The following TBC1D1 variants were observed in gnomAD, a reference collection of about 807,000 sequenced individuals.
TBC1D1 encodes TBC1 domain family member 1, also known as TBC1 (tre-2/USP6, BUB2, cdc16) domain family, member 1.
In TBC1D1, 89 loss-of-function variants were observed where a neutral mutation model predicts 125.6. That is an observed-to-expected ratio of 0.71 (90% CI 0.60 to 0.85). The LOEUF (loss-of-function observed/expected upper bound fraction) is 0.85. TBC1D1 is among the 40% of genes least tolerant of loss of function. The pLI is 0.00. For synonymous variants in TBC1D1, 565 were observed against 564.1 expected, an observed-to-expected ratio of 1.00 and a Z score of -0.02; for missense variants, 1,377 against 1,469.2, an observed-to-expected ratio of 0.94 and a Z score of 1.03.
In TBC1D1 at chr4:37,995,819, C is replaced by A; in HGVS notation, c.418-18690C>A. Reference sequence around the variant, plus strand: ...ACCCCAAATCATTTGCATCCTCAGTCTTGGGGATCAGGTGCTGGATCCATG... The same window carrying A: ...ACCCCAAATCATTTGCATCCTCAGTATTGGGGATCAGGTGCTGGATCCATG... On this transcript the variant is annotated intron_variant, in intron 2 of 19. Coordinates refer to ENST00000261439, the MANE Select transcript of TBC1D1 (RefSeq NM_015173.4). The surrounding 1 kb of genome is among the most constrained non-coding windows in gnomAD (Gnocchi z 4.3). The A allele has an allele frequency of 1.8e-6, 1 of 555,508 alleles. No individual in the cohort carries two copies. Among genetic ancestry groups the A allele is most frequent in the Non-Finnish European group, 3.6e-6 (1 of 278,450 alleles). The allele number at this position is 555,508 out of a possible 1,614,324, so 34.4% of individuals were successfully genotyped here. A position where few individuals can be genotyped will look rare whatever the true frequency, so the allele number is the denominator to read the frequency against.
intron 12 of TBC1D1, among the ~76,000 whole-genome samples, chr4:38,075,436 G>C (rs114911477): frequency 0.013 from 2,013 of 152,284 alleles, 45 homozygotes; most frequent in African/African-American, 0.045. Flanking sequence ...TCAAAGGAAA[G>C]CAGTGAGGCT....
intron 18 of TBC1D1, among the ~76,000 whole-genome samples, chr4:38,132,168 T>G (rs1765690051): frequency 6.6e-6 from 1 of 151,908 alleles, no homozygotes; most frequent in African/African-American, 2.4e-5. Context: ...TCTGAATGTG[T>G]GTTCTGATCT....
intron 6 of TBC1D1, among the ~76,000 whole-genome samples, chr4:38,022,020 G>A (rs536602433): frequency 1.3e-5 from 2 of 152,200 alleles, no homozygotes; most frequent in Non-Finnish European, 2.9e-5. Context: ...GTTTATCAAG[G>A]TTGTGTGAGT....
At chr4:38,058,465 T>C (rs1446105692) in intron 12 of TBC1D1, among the ~76,000 whole-genome samples, 1 of 152,220 alleles carries the variant, frequency 6.6e-6, no homozygotes, top group Non-Finnish European at 1.5e-5. Flanking sequence ...GGCTGAGCCA[T>C]GGGCAGCTGA....
At chr4:37,968,597 C>T (rs1477596490) in intron 2 of TBC1D1, among the ~76,000 whole-genome samples, 1 of 152,206 alleles carries the variant, frequency 6.6e-6, no homozygotes, top group African/African-American at 2.4e-5. Context: ...AAGTCCTCAC[C>T]TAATTTGTTC....
At chr4:38,074,346 A>C (rs1293958854) in intron 12 of TBC1D1, among the ~76,000 whole-genome samples, 1 of 152,210 alleles carries the variant, frequency 6.6e-6, no homozygotes, top group Non-Finnish European at 1.5e-5. Context: ...TCCCAACACA[A>C]GGTTAAACAA....
intron 6 of TBC1D1, among the ~76,000 whole-genome samples, chr4:38,026,790 C>T (rs1488452566): frequency 6.6e-6 from 1 of 152,156 alleles, no homozygotes; most frequent in Non-Finnish European, 1.5e-5. Flanking sequence ...ATATCGGGTT[C>T]TAATGGGTAC....
chr4:37,898,999 T>C (rs1715241709), intron 1 of TBC1D1, among the ~76,000 whole-genome samples: 1 of 152,194 alleles, frequency 6.6e-6, no homozygotes, highest in African/African-American at 2.4e-5. Context: ...AGACCTTATA[T>C]GCCAGGTAGA....
Position 38,118,206 on chromosome 4 carries a change from A to T in TBC1D1, c.2962+14A>T. 6.2e-7 allele frequency: 1 copy of T among 1,613,534 alleles called. No homozygotes were observed. Among genetic ancestry groups the T allele is most frequent in the Non-Finnish European group, 8.5e-7 (1 of 1,179,740 alleles). On this transcript the variant is annotated intron_variant, in intron 17 of 19. Coordinates refer to ENST00000261439, the MANE Select transcript of TBC1D1 (RefSeq NM_015173.4). ...CCAGAGTCTTTGGTGAGCATTAGTA[A>T]ATCTGTTTGCCAGAACCAGCCTTCT...
At chr4:38,027,638 A>G in intron 6 of TBC1D1, 150 bp from the exon 7 acceptor site, 2 of 485,196 alleles carry the variant, frequency 4.1e-6, no homozygotes, top group Non-Finnish European at 7.4e-6. Flanking sequence ...TCCATGTCAA[A>G]AAAAAAAATA....
chr4:38,130,380 A>G (rs533986855), intron 18 of TBC1D1, among the ~76,000 whole-genome samples: 3 of 152,206 alleles, frequency 2.0e-5, no homozygotes, highest in Non-Finnish European at 2.9e-5. Context: ...CTATTGCTTC[A>G]GTAACTTAAA....
chr4:38,016,339 A>G (rs1326431455), intron 3 of TBC1D1, among the ~76,000 whole-genome samples: 1 of 152,180 alleles, frequency 6.6e-6, no homozygotes, highest in East Asian at 1.9e-4. Context: ...GAAGGCCCTA[A>G]AGGCAGGGAT....
chr4:38,100,241 C>G (rs1456529771), intron 14 of TBC1D1, among the ~76,000 whole-genome samples: 1 of 152,208 alleles, frequency 6.6e-6, no homozygotes, highest in African/African-American at 2.4e-5. Flanking sequence ...TAACAAGTTA[C>G]TACAAAAATA....
chr4:38,107,456 G>A (rs73134631), intron 15 of TBC1D1, among the ~76,000 whole-genome samples: 7,237 of 152,194 alleles, frequency 0.048, 603 homozygotes, highest in African/African-American at 0.16. Context: ...TCCTTAAAAA[G>A]TGACCTTCAT....
At chr4:37,966,382 G>T (rs1394848563) in intron 2 of TBC1D1, among the ~76,000 whole-genome samples, 1 of 152,180 alleles carries the variant, frequency 6.6e-6, no homozygotes, top group Non-Finnish European at 1.5e-5. Flanking sequence ...AAAATTCCAG[G>T]TTAGAAGAGC....
At chr4:37,940,784 T>C (rs1163372508) in intron 2 of TBC1D1, among the ~76,000 whole-genome samples, 1 of 152,230 alleles carries the variant, frequency 6.6e-6, no homozygotes, top group Non-Finnish European at 1.5e-5. Flanking sequence ...GAGGTAATCA[T>C]GTGGTTTTTG....
At chr4:37,950,853 G>C (rs1357198561) in intron 2 of TBC1D1, among the ~76,000 whole-genome samples, 1 of 151,306 alleles carries the variant, frequency 6.6e-6, no homozygotes. Flanking sequence ...CCACCTCCCA[G>C]GTTCAAGCGA....
chr4:37,976,348 C>T (rs1351048584), intron 2 of TBC1D1, among the ~76,000 whole-genome samples: 2 of 152,204 alleles, frequency 1.3e-5, no homozygotes, highest in Non-Finnish European at 2.9e-5. Context: ...CAGCCAGAGC[C>T]ATCCAGCTAA....
At chr4:38,095,810 G>A (rs139963993) in intron 13 of TBC1D1, 119 bp from the exon 16 acceptor site, 22 of 1,046,266 alleles carry the variant, frequency 2.1e-5, no homozygotes, top group African/African-American at 9.5e-5. Flanking sequence ...ATTTAGACGC[G>A]TTAAGCCAGT....
Sources: gnomAD v4.1 joint callset for allele counts (sites outside exome capture counted in the v4.1 genomes callset) on GRCh38, gnomAD v4.1.1 for gene constraint, Gnocchi (gnomAD v3.1) non-coding constraint, MANE v1.5 for transcripts, NCBI Gene and HGNC (gene_info 2026-07-23, HGNC 2026-07-21) for gene names.